Variants in VEPH1 observed in about 807,000 individuals in gnomAD.
The protein encoded by VEPH1 is ventricular zone-expressed PH domain-containing protein homolog 1.
Under a neutral mutation model 85.2 loss-of-function variants are expected in VEPH1, and 80 were observed. That is an observed-to-expected ratio of 0.94 (90% CI 0.78 to 1.13). The LOEUF (loss-of-function observed/expected upper bound fraction) is 1.13. VEPH1 is among the 50% of genes most tolerant of loss of function. VEPH1 has a pLI of 0.00. For missense variants in VEPH1, 955 were observed against 980.5 expected (o/e 0.97, Z 0.35); for synonymous variants, 297 against 348.0 (o/e 0.85, Z 1.63).
At chr3:157,471,770 G>A (rs1428018310) in intron 2 of VEPH1, among the ~76,000 whole-genome samples, 1 of 150,416 alleles carries the variant, frequency 6.6e-6, no homozygotes, top group Non-Finnish European at 1.5e-5. Context: ...AGGGTATTAA[G>A]TGAATATTTG....
chr3:157,369,193 A>AAAAAAAAAAAAAAAAAAAAAAAAAC (rs1553773125), intron 7 of VEPH1, among the ~76,000 whole-genome samples: 2 of 140,632 alleles, frequency 1.4e-5, no homozygotes, highest in Non-Finnish European at 3.1e-5. Flanking sequence ...AAAAAAAAAA[A>AAAAAAAAAAAAAAAAAAAAAAAAAC]AAAAAAAAAA....
intron 4 of VEPH1, chr3:157,443,701 G>C (rs1178936253): frequency 1.3e-5 from 2 of 152,136 alleles, no homozygotes; most frequent in Admixed American, 1.3e-4. Flanking sequence ...AAACAGCATG[G>C]TTAATATTGT....
At chr3:157,430,955 C>G (rs1228869641) in intron 4 of VEPH1, among the ~76,000 whole-genome samples, 1 of 152,278 alleles carries the variant, frequency 6.6e-6, no homozygotes, top group South Asian at 2.1e-4. Context: ...CCTGGATGCT[C>G]TAGGAGAGAA....
At chr3:157,460,456 G>A (rs1436204321) in intron 3 of VEPH1, 101 bp from the exon 4 acceptor site, 6 of 1,381,770 alleles carry the variant, frequency 4.3e-6, no homozygotes, top group African/African-American at 1.5e-5. Context: ...AGCTACCAGA[G>A]TACAGCTGTG....
At chr3:157,418,524 C>A (rs1331792438) in intron 5 of VEPH1, among the ~76,000 whole-genome samples, 3 of 152,094 alleles carry the variant, frequency 2.0e-5, no homozygotes, top group Non-Finnish European at 2.9e-5. Context: ...CACTAGCATT[C>A]CTATATAACA....
chr3:157,300,997 T>A (rs946647345), intron 11 of VEPH1, among the ~76,000 whole-genome samples: 8 of 152,314 alleles, frequency 5.3e-5, no homozygotes, highest in African/African-American at 1.9e-4. Flanking sequence ...CCTCTCCTCT[T>A]ATGTTAGCCA....
chr3:157,363,151 G>A (rs1726231438), intron 9 of VEPH1: 1 of 418,806 alleles, frequency 2.4e-6, no homozygotes, highest in East Asian at 3.8e-5. Flanking sequence ...GTGGACTTAT[G>A]TGCACCCAAG....
At chr3:157,261,463 C>G (rs1712892793) in intron 13 of VEPH1, 93 bp from the exon 14 acceptor site, 1 of 1,533,628 alleles carries the variant, frequency 6.5e-7, no homozygotes, top group Non-Finnish European at 8.7e-7. Flanking sequence ...GGCCAGAATC[C>G]TTTCACTTTT....
intron 5 of VEPH1, among the ~76,000 whole-genome samples, chr3:157,419,514 C>T (rs577209850): frequency 1.6e-4 from 24 of 152,108 alleles, no homozygotes; most frequent in African/African-American, 4.8e-4. Flanking sequence ...GGGCAAAGAA[C>T]GTGAATAGCC....
At chr3:157,439,944 G>T (rs2109219162) in intron 4 of VEPH1, among the ~76,000 whole-genome samples, 1 of 152,194 alleles carries the variant, frequency 6.6e-6, no homozygotes, top group East Asian at 1.9e-4. Context: ...TAGAGACGGG[G>T]TTTCACCGTG....
chr3:157,438,031 G>GCACACA lies in VEPH1; in HGVS notation c.530-9544_530-9543insTGTGTG, dbSNP rs1213951055. On this transcript the variant is annotated intron_variant, in intron 4 of 13. Transcript: ENST00000362010. ...AAGCTTTCATGGGAAGCGCGCGCGC[G>GCACACA]CGCGCGCACACACACACACACACAC... The GCACACA allele has an allele frequency of 1.9e-4, 156 of 820,242 alleles. No homozygotes were observed. The African/African-American group carries it at 3.0e-3, about 16-fold the overall frequency. The allele number at this position is 820,242 out of a possible 1,614,324, so 50.8% of individuals were successfully genotyped here.
chr3:157,313,701 C>T lies in VEPH1; in HGVS notation c.1930G>A (p.Ala644Thr), dbSNP rs1720395775. The T allele has an allele frequency of 2.5e-6, 4 of 1,614,122 alleles. No homozygotes were observed. Among genetic ancestry groups the T allele is most frequent in the African/African-American group, 2.7e-5 (2 of 75,038 alleles). ...IQSHSVQFLR[A>T]LWEKTQAGGA... ...CCTGCCTGGGTCTTCTCCCACAGAG[C>T]TCTGAGGAATTGCACAGAATGACTC... The change falls in exon 11 of 14, where the codon GCT becomes ACT. Residue 644 changes from alanine (A) to threonine (T), a missense_variant. Coordinates refer to ENST00000362010, the MANE Select transcript of VEPH1 (RefSeq NM_001167912.2).
rs759577718 is a variant in VEPH1, at chr3:157,428,493, T to A, written c.530-5A>T. ...CTCTCAACAACATGGTGTTACCTGT[T>A]GAGGGAACAATAAAGGGAATGATGA... is the stretch of plus-strand genomic sequence containing the variant. On this transcript the variant is annotated splice_polypyrimidine_tract_variant and splice_region_variant and intron_variant, in intron 4 of 13. Transcript: ENST00000362010. 6.8e-6 allele frequency: 11 copies of A among 1,612,688 alleles called. No individual in the cohort carries two copies. In the Admixed American group the frequency reaches 1.0e-4, roughly 15 times the overall value.
chr3:157,445,814 CA>C (rs1275411360), intron 4 of VEPH1, among the ~76,000 whole-genome samples: 1 of 152,070 alleles, frequency 6.6e-6, no homozygotes. Context: ...ACAACAACAA[CA>C]GCAACAAAAA....
chr3:157,312,900 A>ATT (rs140277345), intron 11 of VEPH1, among the ~76,000 whole-genome samples: 1,032 of 98,044 alleles, frequency 0.011, 36 homozygotes, highest in East Asian at 0.037. Context: ...AAAAAAAAAC[A>ATT]TTTTTTTTTT....
intron 11 of VEPH1, among the ~76,000 whole-genome samples, chr3:157,293,079 A>G (rs1267487335): frequency 6.6e-6 from 1 of 152,164 alleles, no homozygotes; most frequent in Non-Finnish European, 1.5e-5. Context: ...TTTAAACATC[A>G]GAGATGTTAT....
At chr3:157,448,928 T>C (rs969658907) in intron 4 of VEPH1, among the ~76,000 whole-genome samples, 1 of 152,186 alleles carries the variant, frequency 6.6e-6, no homozygotes, top group East Asian at 1.9e-4. Context: ...ACTATTCTCA[T>C]GGTAGTAAAT....
rs137869878 is a variant in VEPH1 at position 157,382,322 on chromosome 3, T to C, written c.907-946A>G. Among the ~76,000 whole-genome samples, 616 of 152,226 alleles carry C rather than the reference T, an allele frequency of 4.0e-3. 6 individuals are homozygous for C. Among genetic ancestry groups the C allele is most frequent in the Middle Eastern group, 0.034 (10 of 294 alleles). The stretch of plus-strand genomic sequence containing the variant: ...ATGTAGGCATGAGCAAATAAGAAAA[T>C]GGCTTAGCTGACACATCTCTTATAC... On this transcript the variant is annotated intron_variant, in intron 6 of 13. Coordinates refer to ENST00000362010, the MANE Select transcript of VEPH1 (RefSeq NM_001167912.2).
rs537800419 is a variant in VEPH1, at chr3:157,346,743, A to T, written c.1735+16621T>A. On this transcript the variant is annotated intron_variant, in intron 9 of 13. Transcript: ENST00000362010. ...CACCTCAGCCTCCCAAGTAGCTGGG[A>T]CCATCAGCACGTGCCACCATGACTA... Among the ~76,000 whole-genome samples the T allele has an allele frequency of 1.7e-4, 26 of 152,146 alleles. No homozygotes were observed. In the East Asian group the frequency reaches 4.3e-3, roughly 25 times the overall value.
Sources: gnomAD v4.1 joint callset for allele counts (sites outside exome capture counted in the v4.1 genomes callset) on GRCh38, gnomAD v4.1.1 for gene constraint, MANE v1.5 for transcripts, NCBI Gene and HGNC (gene_info 2026-07-23, HGNC 2026-07-21) for gene names.